MDFIC2: variants seen among roughly 807,000 people sequenced by gnomAD.
MDFIC2 encodes the protein myoD family inhibitor domain-containing protein 2.
intron 2 of MDFIC2, among the ~76,000 whole-genome samples, chr3:70,250,329 G>A (rs999436038): frequency 1.3e-5 from 2 of 151,668 alleles, no homozygotes; most frequent in African/African-American, 2.4e-5. Flanking sequence ...TATTGCCAGC[G>A]ACATTTTTTA....
chr3:70,245,693 A>G (rs1371905655), intron 2 of MDFIC2, among the ~76,000 whole-genome samples: 3 of 137,016 alleles, frequency 2.2e-5, no homozygotes, highest in African/African-American at 7.8e-5. Context: ...ATATATATAT[A>G]TATATATATA....
intron 2 of MDFIC2, among the ~76,000 whole-genome samples, chr3:70,229,909 A>T (rs1338770519): frequency 2.6e-5 from 4 of 152,222 alleles, no homozygotes. Flanking sequence ...ATGTGAATTA[A>T]TCAAGAATAT....
chr3:70,302,886 A>G (rs1343623132), intron 2 of MDFIC2, among the ~76,000 whole-genome samples: 1 of 152,168 alleles, frequency 6.6e-6, no homozygotes, highest in East Asian at 1.9e-4. Context: ...TGAACTTAGT[A>G]CTTCATAGGC....
intron 2 of MDFIC2, among the ~76,000 whole-genome samples, chr3:70,264,876 G>C (rs1395457979): frequency 6.6e-6 from 1 of 152,066 alleles, no homozygotes; most frequent in African/African-American, 2.4e-5. Flanking sequence ...CCATAGACTG[G>C]GTAATTTATA....
intron 2 of MDFIC2, 93 bp downstream of exon 2, chr3:70,311,793 A>G (rs1365645581): frequency 2.5e-6 from 1 of 393,574 alleles, no homozygotes; most frequent in Non-Finnish European, 4.5e-6. Flanking sequence ...TTGAACGGTC[A>G]GGACAATTTC....
At chr3:70,239,761 G>A (rs1052957163) in intron 2 of MDFIC2, among the ~76,000 whole-genome samples, 7 of 152,084 alleles carry the variant, frequency 4.6e-5, no homozygotes, top group East Asian at 1.9e-4. Context: ...AGATCATATC[G>A]CCCTATGTTA....
At chr3:70,278,838 C>T (rs1206176990) in intron 2 of MDFIC2, among the ~76,000 whole-genome samples, 1 of 151,688 alleles carries the variant, frequency 6.6e-6, no homozygotes, top group African/African-American at 2.4e-5. Context: ...GATAGCAAGC[C>T]ACCTCAAATC....
intron 2 of MDFIC2, among the ~76,000 whole-genome samples, chr3:70,300,158 T>C (rs968801937): frequency 2.6e-5 from 4 of 152,146 alleles, no homozygotes; most frequent in African/African-American, 9.7e-5. Flanking sequence ...CTTCCATTTA[T>C]TCATGTCATT....
chr3:70,289,637 T>G (rs1457662819), intron 2 of MDFIC2, among the ~76,000 whole-genome samples: 2 of 151,552 alleles, frequency 1.3e-5, no homozygotes, highest in African/African-American at 4.8e-5. Context: ...TTCTCCTGGA[T>G]AATATCCTGC....
intron 2 of MDFIC2, among the ~76,000 whole-genome samples, chr3:70,278,817 CT>C (rs1702053497): frequency 6.6e-6 from 1 of 151,942 alleles, no homozygotes; most frequent in Non-Finnish European, 1.5e-5. Flanking sequence ...TCAGATTCTT[CT>C]TCTATAAAGG....
intron 2 of MDFIC2, among the ~76,000 whole-genome samples, chr3:70,255,879 G>C (rs1701810666): frequency 6.6e-6 from 1 of 152,144 alleles, no homozygotes; most frequent in African/African-American, 2.4e-5. Context: ...TTCTTGTTTA[G>C]GTGCAAACTG....
chr3:70,255,001 T>C (rs139899189), intron 2 of MDFIC2, among the ~76,000 whole-genome samples: 186 of 152,300 alleles, frequency 1.2e-3, no homozygotes, highest in African/African-American at 4.3e-3. Context: ...GACATTTAGA[T>C]TGTTCCTTAT....
At chr3:70,293,073 TA>T (rs1702254802) in intron 2 of MDFIC2, among the ~76,000 whole-genome samples, 1 of 112,318 alleles carries the variant, frequency 8.9e-6, no homozygotes, top group Non-Finnish European at 1.9e-5. Context: ...AAAAAAAAAG[TA>T]GCATATTACA....
chr3:70,302,501 TCACA>T (rs1377535286), intron 2 of MDFIC2: 1 of 152,178 alleles, frequency 6.6e-6, no homozygotes, highest in African/African-American at 2.4e-5. Flanking sequence ...ATTAAGTGTA[TCACA>T]TCAACAGCTG....
At chr3:70,276,295 C>G (rs1215789514) in intron 2 of MDFIC2, among the ~76,000 whole-genome samples, 1 of 152,120 alleles carries the variant, frequency 6.6e-6, no homozygotes, top group South Asian at 2.1e-4. Flanking sequence ...ATTTTATATA[C>G]TGTCATTTTA....
chr3:70,196,885 C>A lies in MDFIC2; in HGVS notation c.*41G>T. ...GTCTTGTTGTAATGGAATTTCCCAC[C>A]GTGGCCAAAAGGACTGCCGGAATGT... On this transcript the variant is annotated 3_prime_UTR_variant, in exon 4 of 4. Transcript: ENST00000567252. 1 of 398,304 alleles carries A rather than the reference C, an allele frequency of 2.5e-6. No individual in the cohort carries two copies. The highest frequency in any genetic ancestry group is 4.4e-6 in the Non-Finnish European group (1 of 225,946). The allele number at this position is 398,304 out of a possible 1,614,324, so 24.7% of individuals were successfully genotyped here. A position where few individuals can be genotyped will look rare whatever the true frequency, so the allele number is the denominator to read the frequency against.
chr3:70,274,076 TGTGTGTGTGTGTGTGC>T (rs1045026773), intron 2 of MDFIC2, among the ~76,000 whole-genome samples: 5 of 149,016 alleles, frequency 3.4e-5, no homozygotes, highest in African/African-American at 4.9e-5. Flanking sequence ...TGTGTGTGTG[TGTGTGTGTGTGTGTGC>T]GCGCGCGCAT....
chr3:70,201,579 A>G (rs543274636), intron 3 of MDFIC2, among the ~76,000 whole-genome samples: 1 of 152,310 alleles, frequency 6.6e-6, no homozygotes, highest in East Asian at 1.9e-4. Context: ...GGATGAGGAA[A>G]CTGAGGCAAA....
intron 3 of MDFIC2, among the ~76,000 whole-genome samples, chr3:70,203,974 A>G (rs1422500110): frequency 6.6e-6 from 1 of 152,174 alleles, no homozygotes; most frequent in African/African-American, 2.4e-5. Context: ...CAATTTAGTA[A>G]TAAAGTAATG....
Sources: allele counts gnomAD v4.1 joint callset (sites outside exome capture counted in the v4.1 genomes callset), GRCh38; gene constraint gnomAD v4.1.1; transcripts MANE v1.5; gene names NCBI Gene and HGNC (gene_info 2026-07-23, HGNC 2026-07-21).